Variants in CHIC2 observed in about 807,000 individuals in gnomAD.
The protein encoded by CHIC2 is cysteine rich hydrophobic domain 2.
In CHIC2, 14 loss-of-function variants were observed where a neutral mutation model predicts 25.9. The ratio of observed to expected loss-of-function variants is 0.54; its 90% CI spans 0.36 to 0.85. CHIC2 has a LOEUF of 0.85. Among genes scored for constraint, CHIC2 ranks in the 40% least tolerant of loss-of-function variants. The pLI is 0.01. For missense variants in CHIC2, 146 were observed against 202.0 expected, an observed-to-expected ratio of 0.72 and a Z score of 1.68; for synonymous variants, 70 against 72.0, an observed-to-expected ratio of 0.97 and a Z score of 0.14.
At chr4:54,029,470 T>TA (rs980885016) in intron 3 of CHIC2, among the ~76,000 whole-genome samples, 7 of 152,144 alleles carry the variant, frequency 4.6e-5, no homozygotes, top group Non-Finnish European at 5.9e-5. Flanking sequence ...AATAGCATTC[T>TA]AAAAAAATAG....
chr4:54,042,765 A>G (rs958324294), intron 3 of CHIC2, among the ~76,000 whole-genome samples: 1 of 152,234 alleles, frequency 6.6e-6, no homozygotes, highest in Non-Finnish European at 1.5e-5. Flanking sequence ...ATGATGAAAA[A>G]AAAAGAACCA....
chr4:54,039,267 CGAAGACATTGTTGGAGAATGA>C (rs1458173208), intron 3 of CHIC2, among the ~76,000 whole-genome samples: 3 of 151,752 alleles, frequency 2.0e-5, no homozygotes, highest in African/African-American at 7.3e-5. Context: ...TTTGTTCCGC[CGAAGACATTGTTGGAGAATGA>C]AAAGACAGCT....
chr4:54,059,586 A>C (rs1560398952), intron 1 of CHIC2: 1 of 142,316 alleles, frequency 7.0e-6, no homozygotes, highest in Non-Finnish European at 1.5e-5. Flanking sequence ...AAAAAGTTAT[A>C]AAAAAAAAAT....
chr4:54,080,483 C>T, the CHIC2 span, among the ~76,000 whole-genome samples: 6 of 151,512 alleles, frequency 4.0e-5, no homozygotes, highest in South Asian at 4.2e-4. Flanking sequence ...ACTGGGGTCT[C>T]GGCTGGGTGC....
intron 5 of CHIC2, among the ~76,000 whole-genome samples, chr4:54,011,304 C>T (rs1715578963): frequency 6.6e-6 from 1 of 152,090 alleles, no homozygotes; most frequent in Non-Finnish European, 1.5e-5. Flanking sequence ...CTGTCCTACT[C>T]TAGGTATCCT....
chr4:54,058,599 C>G (rs1717246844), intron 1 of CHIC2, among the ~76,000 whole-genome samples: 1 of 150,138 alleles, frequency 6.7e-6, no homozygotes, highest in Non-Finnish European at 1.5e-5. Context: ...CACACACAAT[C>G]TTACACAGAA....
the CHIC2 span, among the ~76,000 whole-genome samples, chr4:54,090,330 C>T: frequency 3.3e-5 from 5 of 152,002 alleles, no homozygotes; most frequent in Non-Finnish European, 7.4e-5. Flanking sequence ...CGGCTACAGG[C>T]GTGTACCACC....
At chr4:54,010,293 T>C (rs1577959045) in intron 5 of CHIC2, 148 bp from the exon 6 acceptor site, 1 of 590,032 alleles carries the variant, frequency 1.7e-6, no homozygotes, top group Middle Eastern at 4.7e-4. Flanking sequence ...TATCTGATAA[T>C]GCAGAGTTCC....
chr4:54,057,688 C>A (rs550882978), intron 1 of CHIC2, among the ~76,000 whole-genome samples: 1 of 152,232 alleles, frequency 6.6e-6, no homozygotes, highest in East Asian at 1.9e-4. Flanking sequence ...CAATACCTGG[C>A]AGAAAAATGG....
At chr4:54,056,213 T>C (rs965907874) in intron 1 of CHIC2, among the ~76,000 whole-genome samples, 5 of 152,300 alleles carry the variant, frequency 3.3e-5, no homozygotes, top group African/African-American at 9.6e-5. Context: ...TATAAGTGTA[T>C]ACTGATGAAA....
chr4:54,029,638 T>A (rs931171749), intron 3 of CHIC2, among the ~76,000 whole-genome samples: 7 of 152,222 alleles, frequency 4.6e-5, no homozygotes, highest in Admixed American at 1.3e-4. Flanking sequence ...ATCTGTATTA[T>A]GTTGTTAGAG....
In CHIC2 at chr4:54,043,337, C is replaced by T. The variant is rs562544532; in HGVS notation, c.330+5618G>A. On this transcript the variant is annotated intron_variant, in intron 3 of 5. Transcript: ENST00000263921. The stretch of plus-strand genomic sequence containing the variant: ...TCAGGAGGCTGACACAGGAGAATGG[C>T]GTGAACACGGGAGGTGGAGCTTGCA... Among the ~76,000 whole-genome samples the T allele has an allele frequency of 3.3e-5, 5 of 149,764 alleles. No individual in the cohort carries two copies. In the South Asian group the frequency reaches 6.3e-4, roughly 19 times the overall value.
chr4:54,081,946 A>C, the CHIC2 span, among the ~76,000 whole-genome samples: 2 of 152,178 alleles, frequency 1.3e-5, no homozygotes, highest in East Asian at 3.9e-4. Context: ...TAGATGATAG[A>C]GGTGGAGAAA....
At position 54,016,358 on chromosome 4, in the gene CHIC2, T is replaced by C. The variant is rs116301194; in HGVS notation, c.331-2239A>G. Among the ~76,000 whole-genome samples, 1,254 of 152,196 alleles carry C rather than the reference T, an allele frequency of 8.2e-3. 10 individuals are homozygous for C. Among genetic ancestry groups the C allele is most frequent in the African/African-American group, 0.028 (1,167 of 41,542 alleles). ...CACACAATTTTAAAACTTAAAAATA[T>C]TTACTTTAACTTAAATCAACTACTA... On this transcript the variant is annotated intron_variant, in intron 3 of 5. Transcript: ENST00000263921.
chr4:54,084,286 T>C, the CHIC2 span, among the ~76,000 whole-genome samples: 1 of 152,204 alleles, frequency 6.6e-6, no homozygotes, highest in Non-Finnish European at 1.5e-5. Context: ...GTCTCCTATT[T>C]CCAGAAGTTC....
At chr4:54,037,160 T>A (rs1175318849) in intron 3 of CHIC2, among the ~76,000 whole-genome samples, 1 of 150,056 alleles carries the variant, frequency 6.7e-6, no homozygotes, top group Non-Finnish European at 1.5e-5. Flanking sequence ...AGCTCAGGAG[T>A]TTGAGAGATG....
intron 1 of CHIC2, among the ~76,000 whole-genome samples, chr4:54,053,696 G>A (rs1473280864): frequency 6.6e-6 from 1 of 152,034 alleles, no homozygotes; most frequent in African/African-American, 2.4e-5. Context: ...TTTTAGGGAG[G>A]GGGTATTAAA....
At chr4:54,012,022 AT>A (rs1002787444) in intron 5 of CHIC2, among the ~76,000 whole-genome samples, 5 of 152,122 alleles carry the variant, frequency 3.3e-5, no homozygotes, top group African/African-American at 4.8e-5. Context: ...ATTTTTATAA[AT>A]TTTTTAAGCT....
chr4:54,025,963 G>A (rs1051744299), intron 3 of CHIC2, among the ~76,000 whole-genome samples: 2 of 152,024 alleles, frequency 1.3e-5, no homozygotes, highest in South Asian at 4.2e-4. Flanking sequence ...AAGAGATAAG[G>A]AACCAGCATT....
Sources: allele counts gnomAD v4.1 joint callset (sites outside exome capture counted in the v4.1 genomes callset), GRCh38; gene constraint gnomAD v4.1.1; transcripts MANE v1.5; gene names NCBI Gene and HGNC (gene_info 2026-07-23, HGNC 2026-07-21).